The following SHISA9 variants were observed in gnomAD, a reference collection of about 807,000 sequenced individuals.
SHISA9 encodes the protein protein shisa-9.
In SHISA9, 13 loss-of-function variants were observed where a neutral mutation model predicts 38.0. That is an observed-to-expected ratio of 0.34 (90% CI 0.22 to 0.54). SHISA9 has a LOEUF of 0.54. SHISA9 is among the 20% of genes least tolerant of loss of function. SHISA9 has a pLI of 0.91. For synonymous variants in SHISA9, 275 were observed against 242.0 expected (o/e 1.14, Z -1.27); for missense variants, 538 against 575.8 (o/e 0.93, Z 0.67).
chr16:12,997,117 T>G (rs945000382), intron 2 of SHISA9, among the ~76,000 whole-genome samples: 1 of 152,104 alleles, frequency 6.6e-6, no homozygotes, highest in Non-Finnish European at 1.5e-5. Context: ...CCAAATTCCC[T>G]CATGCTTCTT....
At chr16:12,903,645 C>T (rs549404730) in intron 1 of SHISA9, among the ~76,000 whole-genome samples, 8 of 152,216 alleles carry the variant, frequency 5.3e-5, no homozygotes, top group East Asian at 1.9e-4. Flanking sequence ...GAGGTCCGGG[C>T]GGGCGGGGTG....
chr16:13,252,016 A>G, the SHISA9 span, among the ~76,000 whole-genome samples: 2 of 152,236 alleles, frequency 1.3e-5, no homozygotes, highest in African/African-American at 4.8e-5. Flanking sequence ...GCAACAATGC[A>G]TAGTACACAG....
chr16:13,405,667 C>A, the SHISA9 span, among the ~76,000 whole-genome samples: 1 of 152,064 alleles, frequency 6.6e-6, no homozygotes, highest in Non-Finnish European at 1.5e-5. Flanking sequence ...TTGGTGTCAG[C>A]TTTATGTCCA....
At chr16:13,001,588 A>C (rs2141841998) in intron 2 of SHISA9, among the ~76,000 whole-genome samples, 1 of 152,344 alleles carries the variant, frequency 6.6e-6, no homozygotes, top group East Asian at 1.9e-4. Flanking sequence ...GAGGAATGGC[A>C]AAAAAGCCTT....
At chr16:13,028,847 G>T (rs570415362) in intron 2 of SHISA9, among the ~76,000 whole-genome samples, 26 of 152,214 alleles carry the variant, frequency 1.7e-4, no homozygotes, top group African/African-American at 5.3e-4. Context: ...TTCTCTGATC[G>T]GTCAGGATTA....
At chr16:13,065,828 A>G (rs1377762472) in intron 2 of SHISA9, among the ~76,000 whole-genome samples, 2 of 152,156 alleles carry the variant, frequency 1.3e-5, no homozygotes, top group African/African-American at 2.4e-5. Flanking sequence ...GTCTTTCATC[A>G]CTCTGAGCTA....
intron 2 of SHISA9, among the ~76,000 whole-genome samples, chr16:13,001,886 A>G (rs1020503095): frequency 6.6e-6 from 1 of 152,192 alleles, no homozygotes; most frequent in Admixed American, 6.5e-5. Flanking sequence ...TAGATGAATA[A>G]ATAGGTGATA....
At chr16:13,457,972 C>CCTTCCTTCCTTCCTTT in the SHISA9 span, among the ~76,000 whole-genome samples, 1 of 150,150 alleles carries the variant, frequency 6.7e-6, no homozygotes, top group Non-Finnish European at 1.5e-5. Context: ...TTTCTTCCTC[C>CCTTCCTTCCTTCCTTT]CTTCCTTCCT....
At chr16:13,445,013 T>C in the SHISA9 span, among the ~76,000 whole-genome samples, 1 of 104,452 alleles carries the variant, frequency 9.6e-6, no homozygotes, top group African/African-American at 4.4e-5. Flanking sequence ...TATATATATA[T>C]ATATATATAT....
intron 2 of SHISA9, among the ~76,000 whole-genome samples, chr16:13,038,331 C>T (rs1040934441): frequency 5.3e-5 from 8 of 152,174 alleles, no homozygotes; most frequent in African/African-American, 1.9e-4. Flanking sequence ...TTCTCCATCT[C>T]TCTCCCTTTC....
chr16:13,341,207 G>A, the SHISA9 span, among the ~76,000 whole-genome samples: 2 of 152,210 alleles, frequency 1.3e-5, no homozygotes, highest in African/African-American at 4.8e-5. Context: ...TCAGGGATGT[G>A]TAGAGCTACC....
In SHISA9 at chr16:13,234,510, TAAAAGCAAAAAC is replaced by T. The variant is rs200380498; in HGVS notation, c.896-510_896-499del. On this transcript the variant is annotated intron_variant, in intron 4 of 4. Transcript: ENST00000558583. ...GTGAATACAGGTCTGGTTTAACTGCTAAAAGCAAAAACAAAAGCAAACAAACCAGCGGAGAAA... is the reference window on the plus strand; with the variant it reads ...GTGAATACAGGTCTGGTTTAACTGCTAAAAGCAAACAAACCAGCGGAGAAA... Among the ~76,000 whole-genome samples the T allele has an allele frequency of 9.6e-3, 1,468 of 152,256 alleles. 21 individuals are homozygous for T. Among genetic ancestry groups the T allele is most frequent in the African/African-American group, 0.034 (1,411 of 41,546 alleles).
the SHISA9 span, among the ~76,000 whole-genome samples, chr16:13,508,837 C>T: frequency 6.6e-6 from 1 of 152,092 alleles, no homozygotes; most frequent in Non-Finnish European, 1.5e-5. Context: ...CTTGAAAAAC[C>T]TTCCACTCTT....
the SHISA9 span, among the ~76,000 whole-genome samples, chr16:13,356,000 T>C: frequency 6.6e-6 from 1 of 152,138 alleles, no homozygotes; most frequent in African/African-American, 2.4e-5. Context: ...GGGCATTCCT[T>C]GGCCCAGTGG....
At chr16:13,475,458 T>C in the SHISA9 span, among the ~76,000 whole-genome samples, 1 of 152,082 alleles carries the variant, frequency 6.6e-6, no homozygotes, top group Admixed American at 6.5e-5. Flanking sequence ...ATTTATTTAT[T>C]CATTTGACAA....
chr16:13,181,267 T>TATATATA (rs2050774626), intron 2 of SHISA9, among the ~76,000 whole-genome samples: 1 of 80,092 alleles, frequency 1.2e-5, no homozygotes, highest in African/African-American at 4.9e-5. Context: ...AAATAAAATT[T>TATATATA]TATATATATA....
chr16:13,558,025 C>A, the SHISA9 span, among the ~76,000 whole-genome samples: 20 of 152,298 alleles, frequency 1.3e-4, no homozygotes, highest in African/African-American at 4.1e-4. Context: ...TGTGCTGCTG[C>A]ACTCTAGCCT....
At chr16:13,459,256 G>A in the SHISA9 span, among the ~76,000 whole-genome samples, 3 of 152,270 alleles carry the variant, frequency 2.0e-5, no homozygotes, top group Non-Finnish European at 2.9e-5. Flanking sequence ...TGCAGCCCTG[G>A]TGTAGCCTTG....
chr16:13,184,687 A>G (rs2050805813), intron 2 of SHISA9, among the ~76,000 whole-genome samples: 1 of 152,164 alleles, frequency 6.6e-6, no homozygotes, highest in Non-Finnish European at 1.5e-5. Flanking sequence ...CTTTTCCACA[A>G]TGTCTTATAA....
Sources: gnomAD v4.1 joint callset for allele counts (sites outside exome capture counted in the v4.1 genomes callset) on GRCh38, gnomAD v4.1.1 for gene constraint, MANE v1.5 for transcripts, NCBI Gene and HGNC (gene_info 2026-07-23, HGNC 2026-07-21) for gene names.